The following ROR1 variants were observed in gnomAD, a reference collection of about 807,000 sequenced individuals.
The protein encoded by ROR1 is inactive tyrosine-protein kinase transmembrane receptor ROR1.
ROR1 carries 19 observed loss-of-function variants against 78.8 expected under a neutral mutation model. The observed-to-expected ratio is 0.24, with a 90% CI of 0.17 to 0.35. ROR1 has a LOEUF of 0.35. Among genes scored for constraint, ROR1 ranks in the 10% least tolerant of loss-of-function variants. The pLI is 1.00. For missense variants in ROR1, 917 were observed against 1,177.8 expected (o/e 0.78, Z 3.24); for synonymous variants, 386 against 433.6 (o/e 0.89, Z 1.36).
At chr1:63,860,189 C>T (rs1282728542) in intron 1 of ROR1, among the ~76,000 whole-genome samples, 1 of 152,118 alleles carries the variant, frequency 6.6e-6, no homozygotes, top group African/African-American at 2.4e-5. Context: ...AAATTCAGGC[C>T]TTTCTTCACC....
In ROR1 at chr1:64,178,602, G is replaced by C. The variant is rs1339556266; in HGVS notation, c.2561G>C (p.Arg854Pro). ...VIQHCPPPKS[R>P]SPSSASGSTS... is the part of the protein sequence containing the mutation. ...CAGCACTGCCCACCTCCCAAGAGTC[G>C]GTCCCCAAGCAGTGCCAGTGGGTCG... The change falls in exon 9 of 9, where the codon CGG (arginine) becomes CCG (proline). Residue 854 changes from arginine (R) to proline (P), a missense_variant. Transcript: ENST00000371079. This position sits in a 1 kb window ranked among gnomAD's most constrained non-coding sequence, Gnocchi z 4.3. 6.2e-7 allele frequency: 1 copy of C among 1,614,108 alleles called. No individual in the cohort carries two copies. The highest frequency in any genetic ancestry group is 8.5e-7 in the Non-Finnish European group (1 of 1,180,020).
At position 63,924,145 on chromosome 1, in the gene ROR1, G is replaced by A. The variant is rs534120794; in HGVS notation, c.92-85160G>A. ...ATTTAGAGAACCACCTGACCTCTCC[G>A]TAGAAACTCACCACATTCTCTCCCC... On this transcript the variant is annotated intron_variant, in intron 1 of 8. Transcript: ENST00000371079. Among the ~76,000 whole-genome samples the A allele has an allele frequency of 1.2e-4, 18 of 152,168 alleles. No individual in the cohort carries two copies. In the South Asian group the frequency reaches 2.7e-3, roughly 23 times the overall value.
chr1:64,013,956 G>C (rs1236470218), intron 2 of ROR1, among the ~76,000 whole-genome samples: 1 of 152,234 alleles, frequency 6.6e-6, no homozygotes, highest in Non-Finnish European at 1.5e-5. Context: ...CACCTGCTAA[G>C]CAGGTTGCAC....
rs1289155835 is a variant in ROR1, at chr1:64,120,358, A to C, written c.483-17011A>C. Among the ~76,000 whole-genome samples, 3 of 152,204 alleles carry C rather than the reference A, an allele frequency of 2.0e-5. No homozygotes were observed. The East Asian group carries it at 5.8e-4, about 29-fold the overall frequency. ...AAGCAGCATTGTCCAGTGGAACCACATACGTCATCTTCAGTTTTTAAGAGC... is the reference window on the plus strand; with the variant it reads ...AAGCAGCATTGTCCAGTGGAACCACCTACGTCATCTTCAGTTTTTAAGAGC... On this transcript the variant is annotated intron_variant, in intron 4 of 8. Transcript: ENST00000371079.
chr1:63,821,087 TC>T (rs1268578993), intron 1 of ROR1, among the ~76,000 whole-genome samples: 1 of 152,160 alleles, frequency 6.6e-6, no homozygotes, highest in African/African-American at 2.4e-5. Context: ...CTTTTTATTC[TC>T]AAGATTATGC....
At chr1:64,017,662 C>T (rs1646531790) in intron 2 of ROR1, among the ~76,000 whole-genome samples, 1 of 152,118 alleles carries the variant, frequency 6.6e-6, no homozygotes. Context: ...CCTCATCTCC[C>T]CATCTGTGCT....
At position 64,113,788 on chromosome 1, in the gene ROR1, C is replaced by T. The variant is rs1318011870; in HGVS notation, c.483-23581C>T. The T allele has an allele frequency of 5.6e-5, 8 of 142,996 alleles. No individual in the cohort carries two copies. In the East Asian group the frequency reaches 6.0e-4, roughly 11 times the overall value. 8.9% of individuals were successfully genotyped at this position (142,996 alleles called of 1,614,324 possible). A position where few individuals can be genotyped will look rare whatever the true frequency, so the allele number is the denominator to read the frequency against. On this transcript the variant is annotated intron_variant, in intron 4 of 8. Coordinates refer to ENST00000371079, the MANE Select transcript of ROR1 (RefSeq NM_005012.4). ...TTTATTCTGGAGAGTTCCAGTGTTT[C>T]GTCCTAAAAAAAAAAAAAAGAAAGA...
chr1:64,114,617 A>G (rs6656285), intron 4 of ROR1, among the ~76,000 whole-genome samples: 20,437 of 152,140 alleles, frequency 0.13, 1,517 homozygotes, highest in African/African-American at 0.18. Context: ...TGCTGACAGA[A>G]CAACTGAGAA....
rs116092860 is a variant in ROR1, at chr1:64,120,811, G to A, written c.483-16558G>A. Among the ~76,000 whole-genome samples, 1,389 of 152,244 alleles carry A rather than the reference G, an allele frequency of 9.1e-3. 18 individuals are homozygous for A. The highest frequency in any genetic ancestry group is 0.032 in the African/African-American group (1,345 of 41,534). Reference sequence around the variant, plus strand: ...TATTTAGGGTTCAGTCTAAGTTGGTGTAATAAATGGATGGATGGGTGGATG... The same window carrying A: ...TATTTAGGGTTCAGTCTAAGTTGGTATAATAAATGGATGGATGGGTGGATG... On this transcript the variant is annotated intron_variant, in intron 4 of 8. Transcript: ENST00000371079.
chr1:64,149,669 C>T (rs1170546226), intron 7 of ROR1, among the ~76,000 whole-genome samples: 1 of 152,234 alleles, frequency 6.6e-6, no homozygotes, highest in African/African-American at 2.4e-5. Context: ...AGTTGGCCAT[C>T]TTCTCTGCCT....
At chr1:64,101,615 T>C (rs1647547598) in intron 4 of ROR1, among the ~76,000 whole-genome samples, 1 of 152,180 alleles carries the variant, frequency 6.6e-6, no homozygotes, top group African/African-American at 2.4e-5. Flanking sequence ...TCTGCTCTAT[T>C]GCTTGTGGAG....
chr1:63,857,816 G>T (rs912554859), intron 1 of ROR1, among the ~76,000 whole-genome samples: 21 of 152,138 alleles, frequency 1.4e-4, no homozygotes, highest in African/African-American at 4.6e-4. Context: ...GCAGCTCTTG[G>T]TTACCAAAGG....
chr1:63,942,070 C>CT (rs1645845506), intron 1 of ROR1, among the ~76,000 whole-genome samples: 1 of 152,188 alleles, frequency 6.6e-6, no homozygotes. Flanking sequence ...CCAGTGAAAC[C>CT]TTTTTCTCCT....
At chr1:64,052,936 T>C (rs1163224426) in intron 4 of ROR1, among the ~76,000 whole-genome samples, 1 of 152,098 alleles carries the variant, frequency 6.6e-6, no homozygotes, top group Admixed American at 6.6e-5. Flanking sequence ...GTTCTTCACT[T>C]CCTGAGACTA....
At chr1:63,861,005 G>A (rs1312570555) in intron 1 of ROR1, among the ~76,000 whole-genome samples, 1 of 152,124 alleles carries the variant, frequency 6.6e-6, no homozygotes, top group Non-Finnish European at 1.5e-5. Context: ...TTGACACACG[G>A]TTGGTAATGG....
chr1:64,026,189 G>A (rs1280303007), intron 2 of ROR1, among the ~76,000 whole-genome samples: 1 of 152,180 alleles, frequency 6.6e-6, no homozygotes. Flanking sequence ...TGCTCAGAAA[G>A]TGGCTGGGGG....
intron 2 of ROR1, among the ~76,000 whole-genome samples, chr1:64,036,358 G>C (rs1646702286): frequency 6.6e-6 from 1 of 152,140 alleles, no homozygotes; most frequent in Admixed American, 6.5e-5. Flanking sequence ...CAGTGTGGAA[G>C]GACCAAAGTT....
chr1:64,037,321 T>C (rs1431358696), intron 2 of ROR1, among the ~76,000 whole-genome samples: 1 of 152,150 alleles, frequency 6.6e-6, no homozygotes, highest in Non-Finnish European at 1.5e-5. Context: ...ATGAACACTT[T>C]TCAGGGAGCT....
chr1:63,945,946 G>T (rs550593179), intron 1 of ROR1, among the ~76,000 whole-genome samples: 1 of 152,344 alleles, frequency 6.6e-6, no homozygotes, highest in South Asian at 2.1e-4. Flanking sequence ...CCAGATCATA[G>T]AGGAATCATC....
Sources: allele counts gnomAD v4.1 joint callset (sites outside exome capture counted in the v4.1 genomes callset), GRCh38; gene constraint gnomAD v4.1.1; non-coding constraint Gnocchi (gnomAD v3.1); transcripts MANE v1.5; gene names NCBI Gene and HGNC (gene_info 2026-07-23, HGNC 2026-07-21).